HORMAD2: variants seen among roughly 807,000 people sequenced by gnomAD.
The protein encoded by HORMAD2 is HORMA domain-containing protein 2.
In HORMAD2, 45 loss-of-function variants were observed where a neutral mutation model predicts 38.8. The ratio of observed to expected loss-of-function variants is 1.16; its 90% confidence interval spans 0.91 to 1.49. HORMAD2 has a LOEUF of 1.49. Ranked by LOEUF, HORMAD2 falls within the 40% of genes most tolerant of loss-of-function variation. HORMAD2 has a pLI of 0.00. For synonymous variants in HORMAD2, 126 were observed against 122.8 expected, an observed-to-expected ratio of 1.03 and a Z score of -0.17; for missense variants, 338 against 367.0, an observed-to-expected ratio of 0.92 and a Z score of 0.65.
chr22:30,144,081 C>G (rs1421562284), intron 10 of HORMAD2, among the ~76,000 whole-genome samples: 2 of 152,170 alleles, frequency 1.3e-5, no homozygotes, highest in African/African-American at 4.8e-5. Flanking sequence ...TTTCTTTGTA[C>G]CAACACAAGA....
At chr22:30,178,490 A>G (rs147379389), downstream of HORMAD2, among the ~76,000 whole-genome samples, 2 of 152,302 alleles carry the variant, frequency 1.3e-5, no homozygotes, top group African/African-American at 4.8e-5. Context: ...GAACTATCTG[A>G]TTTTACACAG....
chr22:30,088,053 A>C (rs936782384), intron 1 of HORMAD2, among the ~76,000 whole-genome samples: 4 of 151,412 alleles, frequency 2.6e-5, no homozygotes, highest in African/African-American at 7.3e-5. Flanking sequence ...ACACGTACAC[A>C]CGTATACATA....
chr22:30,198,210 T>C, the HORMAD2 span, among the ~76,000 whole-genome samples: 1 of 152,204 alleles, frequency 6.6e-6, no homozygotes, highest in African/African-American at 2.4e-5. Flanking sequence ...GGATGATCCC[T>C]GACAGTAAAT....
chr22:30,180,090 A>C (rs1339600533), downstream of HORMAD2, among the ~76,000 whole-genome samples: 4 of 151,960 alleles, frequency 2.6e-5, no homozygotes, highest in African/African-American at 9.7e-5. Flanking sequence ...AGGTTTTGCC[A>C]TGTTGCCCAG....
At chr22:30,155,293 A>C (rs1432438696) in intron 10 of HORMAD2, among the ~76,000 whole-genome samples, 1 of 152,140 alleles carries the variant, frequency 6.6e-6, no homozygotes, top group African/African-American at 2.4e-5. Context: ...GTACTTAGCA[A>C]CTATGTAAGT....
At chr22:30,107,847 A>G (rs1019342499) in intron 5 of HORMAD2, among the ~76,000 whole-genome samples, 3 of 151,342 alleles carry the variant, frequency 2.0e-5, no homozygotes, top group African/African-American at 7.3e-5. Flanking sequence ...GAGCATGATT[A>G]TTTCTAGTTA....
chr22:30,147,348 T>C (rs180981680), intron 10 of HORMAD2, among the ~76,000 whole-genome samples: 248 of 151,920 alleles, frequency 1.6e-3, no homozygotes, highest in Non-Finnish European at 2.6e-3. Context: ...TAATTTTTTA[T>C]AAAGGTATCA....
At chr22:30,190,021 A>C in the HORMAD2 span, among the ~76,000 whole-genome samples, 1 of 152,192 alleles carries the variant, frequency 6.6e-6, no homozygotes, top group Non-Finnish European at 1.5e-5. Flanking sequence ...CTAAGAGACT[A>C]CTAGCTGGCA....
At position 30,111,845 on chromosome 22, in the gene HORMAD2, C is replaced by A. The variant is rs200707790; in HGVS notation, c.315+29C>A. 54 of 1,543,142 alleles carry A rather than the reference C, an allele frequency of 3.5e-5. 1 individual carries two copies. The South Asian group carries it at 5.2e-4, about 15-fold the overall frequency. ...AGTACACACTCATTTAAAGACCAAG[C>A]CTCTGTCTCTATTTCATTGTCTTTT... is the stretch of plus-strand genomic sequence containing the variant. On this transcript the variant is annotated intron_variant, in intron 6 of 10. Transcript: ENST00000336726.
intron 1 of HORMAD2, among the ~76,000 whole-genome samples, chr22:30,084,453 G>T (rs748880013): frequency 2.6e-5 from 4 of 152,134 alleles, no homozygotes; most frequent in Non-Finnish European, 5.9e-5. Flanking sequence ...CACTTGCATT[G>T]AGGATTAAGC....
At chr22:30,189,360 G>A in the HORMAD2 span, among the ~76,000 whole-genome samples, 8 of 152,112 alleles carry the variant, frequency 5.3e-5, no homozygotes, top group African/African-American at 1.9e-4. Context: ...GAGTACCTAG[G>A]AGCAGACTAG....
chr22:30,158,570 T>G (rs1925236711), intron 10 of HORMAD2, among the ~76,000 whole-genome samples: 1 of 67,234 alleles, frequency 1.5e-5, no homozygotes. Flanking sequence ...TCCCCTCCCT[T>G]CCCCTTCCCC....
At chr22:30,186,831 A>G in the HORMAD2 span, among the ~76,000 whole-genome samples, 1 of 151,432 alleles carries the variant, frequency 6.6e-6, no homozygotes, top group South Asian at 2.1e-4. Flanking sequence ...TCATTAATCA[A>G]ATTGCGATAG....
rs573156509 is a variant in HORMAD2, at chr22:30,103,286, A to G, written c.194-151A>G. 1.2e-4 allele frequency: 70 copies of G among 580,064 alleles called. 1 individual carries two copies. The South Asian group carries it at 1.3e-3, about 11-fold the overall frequency. 35.9% of individuals were successfully genotyped at this position (580,064 alleles called of 1,614,324 possible). A position where few individuals can be genotyped will look rare whatever the true frequency, so the allele number is the denominator to read the frequency against. On this transcript the variant is annotated intron_variant, in intron 3 of 10. Coordinates refer to ENST00000336726, the MANE Select transcript of HORMAD2 (RefSeq NM_152510.4). Reference sequence around the variant, plus strand: ...AACATAGGATTTATTTTTAAAGTAGATGTTTAGAGATCCAAAATGTTTTTA... The same window carrying G: ...AACATAGGATTTATTTTTAAAGTAGGTGTTTAGAGATCCAAAATGTTTTTA...
At chr22:30,131,986 G>A (rs938454097) in intron 10 of HORMAD2, among the ~76,000 whole-genome samples, 1 of 152,152 alleles carries the variant, frequency 6.6e-6, no homozygotes, top group East Asian at 1.9e-4. Context: ...CAGCATTTAC[G>A]TGTGGACTAG....
intron 10 of HORMAD2, among the ~76,000 whole-genome samples, chr22:30,138,685 G>A (rs1449846043): frequency 6.6e-6 from 1 of 151,912 alleles, no homozygotes; most frequent in Admixed American, 6.6e-5. Flanking sequence ...TTATTCATGA[G>A]CATTCTTTTC....
At chr22:30,149,991 G>A (rs114977689) in intron 10 of HORMAD2, among the ~76,000 whole-genome samples, 1,556 of 152,164 alleles carry the variant, frequency 0.01, 24 homozygotes, top group African/African-American at 0.036. Context: ...TTTCATAATG[G>A]TGTCCCTTGA....
At chr22:30,180,975 T>TCCTCTCCTCC (rs1171539855), downstream of HORMAD2, among the ~76,000 whole-genome samples, 33 of 67,166 alleles carry the variant, frequency 4.9e-4, no homozygotes, top group Non-Finnish European at 6.7e-4. Context: ...TCCTCTCCTC[T>TCCTCTCCTCC]CCTCTCCTCC....
At chr22:30,207,095 G>A in the HORMAD2 span, 3 of 470,676 alleles carry the variant, frequency 6.4e-6, no homozygotes, top group African/African-American at 2.0e-5. Context: ...CTCAGCGGCT[G>A]TGGTACCAGG....
Sources: allele counts gnomAD v4.1 joint callset (sites outside exome capture counted in the v4.1 genomes callset), GRCh38; gene constraint gnomAD v4.1.1; transcripts MANE v1.5; gene names NCBI Gene and HGNC (gene_info 2026-07-23, HGNC 2026-07-21).